GRAP2: variants seen among roughly 807,000 people sequenced by gnomAD.
GRAP2 encodes GRB2-related adapter protein 2.
In GRAP2, 31 loss-of-function variants were observed where a neutral mutation model predicts 43.5. That is an observed-to-expected ratio of 0.71 (90% CI 0.54 to 0.96). GRAP2 has a LOEUF of 0.96. Among genes scored for constraint, GRAP2 ranks in the 40% least tolerant of loss-of-function variants. GRAP2 has a pLI of 0.00. For synonymous variants in GRAP2, 156 were observed against 164.8 expected, an observed-to-expected ratio of 0.95 and a Z score of 0.41; for missense variants, 371 against 424.4, an observed-to-expected ratio of 0.87 and a Z score of 1.11.
chr22:39,918,744 G>A (rs886964270), intron 1 of GRAP2, among the ~76,000 whole-genome samples: 2 of 152,196 alleles, frequency 1.3e-5, no homozygotes, highest in Non-Finnish European at 1.5e-5. Flanking sequence ...GCATTTGATA[G>A]TGTGGCAAAT....
intron 2 of GRAP2, among the ~76,000 whole-genome samples, chr22:39,951,167 C>T (rs976933424): frequency 6.6e-6 from 1 of 152,148 alleles, no homozygotes; most frequent in African/African-American, 2.4e-5. Flanking sequence ...GACAGGAAAA[C>T]GCTGCCAAAT....
At chr22:39,946,844 C>G (rs1022391632) in intron 1 of GRAP2, 3 of 419,740 alleles carry the variant, frequency 7.1e-6, no homozygotes, top group Non-Finnish European at 1.3e-5. Context: ...GGAAAGGCTG[C>G]GGATGGCCTT....
chr22:39,910,162 G>A (rs1965880856), intron 1 of GRAP2, among the ~76,000 whole-genome samples: 1 of 152,076 alleles, frequency 6.6e-6, no homozygotes. Context: ...CTAGCTTAGG[G>A]CCTCCCCTAA....
intron 2 of GRAP2, 86 bp downstream of exon 2, chr22:39,947,270 T>C (rs919551810): frequency 4.8e-5 from 38 of 783,692 alleles, no homozygotes; most frequent in Non-Finnish European, 8.0e-5. Context: ...TCTTAAGAAC[T>C]GCATGTGGTT....
intron 1 of GRAP2, among the ~76,000 whole-genome samples, chr22:39,940,623 G>A (rs2066858769): frequency 6.6e-6 from 1 of 151,984 alleles, no homozygotes; most frequent in South Asian, 2.1e-4. Flanking sequence ...AAGATGCAGA[G>A]CAAAGAATAA....
At chr22:39,961,533 G>A (rs1373589471) in intron 4 of GRAP2, among the ~76,000 whole-genome samples, 4 of 152,170 alleles carry the variant, frequency 2.6e-5, no homozygotes, top group Non-Finnish European at 5.9e-5. Flanking sequence ...GAGTGGGGGA[G>A]GACTGTAACA....
chr22:39,931,179 A>G (rs2066751739), intron 1 of GRAP2, among the ~76,000 whole-genome samples: 1 of 152,238 alleles, frequency 6.6e-6, no homozygotes, highest in Non-Finnish European at 1.5e-5. Context: ...TACACAAAGC[A>G]TATGGATACT....
chr22:39,897,746 C>T (rs768230558), upstream of GRAP2, among the ~76,000 whole-genome samples: 1 of 151,910 alleles, frequency 6.6e-6, no homozygotes, highest in Non-Finnish European at 1.5e-5. Context: ...CTCAAACTCC[C>T]GACCTCAGGT....
intron 1 of GRAP2, 188 bp from the exon 2 acceptor site, chr22:39,946,905 G>C (rs1187718764): frequency 1.8e-6 from 1 of 554,238 alleles, no homozygotes; most frequent in Non-Finnish European, 3.2e-6. Context: ...CCAGGACCTA[G>C]ATCCTATAGA....
At chr22:39,961,300 C>T (rs920780934) in intron 4 of GRAP2, among the ~76,000 whole-genome samples, 3 of 151,976 alleles carry the variant, frequency 2.0e-5, no homozygotes, top group African/African-American at 4.8e-5. Context: ...GAAAGAGGAG[C>T]GGGAGACAGG....
Position 39,956,575 on chromosome 22 carries a change from TCTC to T in GRAP2, c.170+668_170+670del, listed in dbSNP as rs545771811. 2.5e-3 allele frequency among the ~76,000 whole-genome samples: 363 copies of T among 148,016 alleles called. 1 individual carries two copies. The highest frequency in any genetic ancestry group is 8.0e-3 in the African/African-American group (322 of 40,092). ...TGGCATGATCTCGGCTCATTGCAATTCTCCTGCCTCAGCCTCCCTAGTAGCTGG... is the reference window on the plus strand; with the variant it reads ...TGGCATGATCTCGGCTCATTGCAATTCTGCCTCAGCCTCCCTAGTAGCTGG... On this transcript the variant is annotated intron_variant, in intron 3 of 7. Transcript: ENST00000344138.
chr22:39,941,925 T>G (rs2066875456), intron 1 of GRAP2, among the ~76,000 whole-genome samples: 1 of 151,728 alleles, frequency 6.6e-6, no homozygotes, highest in Admixed American at 6.6e-5. Context: ...GGGAAACAAA[T>G]GTTTATTTGG....
chr22:39,953,307 C>T (rs2067009297), intron 2 of GRAP2, among the ~76,000 whole-genome samples: 1 of 152,164 alleles, frequency 6.6e-6, no homozygotes, highest in Admixed American at 6.5e-5. Context: ...AGCCCTTTCT[C>T]AGCCCTGCCT....
intron 1 of GRAP2, among the ~76,000 whole-genome samples, chr22:39,932,433 G>A (rs1429641765): frequency 1.3e-5 from 2 of 151,886 alleles, no homozygotes; most frequent in Admixed American, 1.3e-4. Flanking sequence ...ATAGCTGGCT[G>A]GGCACAGTGG....
intron 2 of GRAP2, among the ~76,000 whole-genome samples, chr22:39,955,241 C>T (rs1372225275): frequency 6.6e-6 from 1 of 152,030 alleles, no homozygotes; most frequent in Non-Finnish European, 1.5e-5. Context: ...GCCTGTAATC[C>T]CAGCTACTCA....
chr22:39,930,209 C>G (rs2066743366), intron 1 of GRAP2, among the ~76,000 whole-genome samples: 1 of 152,114 alleles, frequency 6.6e-6, no homozygotes, highest in South Asian at 2.1e-4. Context: ...CATTCTATTT[C>G]TATTGGATAA....
intron 3 of GRAP2, among the ~76,000 whole-genome samples, chr22:39,958,553 A>ATGAT (rs1355777266): frequency 6.6e-6 from 1 of 152,058 alleles, no homozygotes; most frequent in Non-Finnish European, 1.5e-5. Context: ...TGTTGAATGA[A>ATGAT]TGAATGAATG....
chr22:39,920,736 G>A lies in GRAP2; in HGVS notation c.-15+19406G>A, dbSNP rs145313421. Among the ~76,000 whole-genome samples, 85 of 152,166 alleles carry A rather than the reference G, an allele frequency of 5.6e-4. 1 individual carries two copies. Among genetic ancestry groups the A allele is most frequent in the African/African-American group, 1.9e-3 (78 of 41,484 alleles). Reference sequence around the variant, plus strand: ...CCCCCAGAGTAAGTTCCGTCACTCTGGAGGTAAAGTCATAATATCTAAATA... The same window carrying A: ...CCCCCAGAGTAAGTTCCGTCACTCTAGAGGTAAAGTCATAATATCTAAATA... On this transcript the variant is annotated intron_variant, in intron 1 of 7. Coordinates refer to ENST00000344138, the MANE Select transcript of GRAP2 (RefSeq NM_004810.4).
rs746044569 is a variant in GRAP2 at position 39,971,009 on chromosome 22, A to G, written c.918A>G (p.Pro306=). 1.5e-5 allele frequency: 25 copies of G among 1,613,620 alleles called. No individual in the cohort carries two copies. The highest frequency in any genetic ancestry group is 1.9e-5 in the Non-Finnish European group (23 of 1,179,854). The change falls in exon 8 of 8, where the codon CCA becomes CCG. Residue 306 remains proline, a synonymous_variant. Coordinates refer to ENST00000344138, the MANE Select transcript of GRAP2 (RefSeq NM_004810.4). ...TGGAGGTCCTGGATAGCTCCAACCC[A>G]TCCTGGTGGACCGGCCGCCTGCACA... ...EVVEVLDSSN[P]SWWTGRLHNK...
Sources: gnomAD v4.1 joint callset for allele counts (sites outside exome capture counted in the v4.1 genomes callset) on GRCh38, gnomAD v4.1.1 for gene constraint, MANE v1.5 for transcripts, NCBI Gene and HGNC (gene_info 2026-07-23, HGNC 2026-07-21) for gene names.